ACBD6: variants seen among roughly 807,000 people sequenced by gnomAD.
ACBD6 encodes the protein acyl-CoA-binding domain-containing protein 6.
A neutral mutation model predicts 37.2 loss-of-function variants in ACBD6; 28 were observed. The ratio of observed to expected loss-of-function variants is 0.75; its 90% confidence interval spans 0.56 to 1.03. The LOEUF (loss-of-function observed/expected upper bound fraction) is 1.03, where lower values mean the gene tolerates loss of function less well. Among genes scored for constraint, ACBD6 ranks in the 50% least tolerant of loss-of-function variants. The pLI is 0.00. For synonymous variants in ACBD6, 113 were observed against 126.8 expected (o/e 0.89, Z 0.73); for missense variants, 340 against 337.4 (o/e 1.01, Z -0.06).
At chr1:180,415,170 G>A (rs1340215670) in intron 4 of ACBD6, among the ~76,000 whole-genome samples, 6 of 152,086 alleles carry the variant, frequency 3.9e-5, no homozygotes, top group East Asian at 3.9e-4. Flanking sequence ...AGGCCAAGGC[G>A]GGTGGATCAT....
At chr1:180,417,608 T>C (rs1648152514) in intron 4 of ACBD6, among the ~76,000 whole-genome samples, 1 of 152,210 alleles carries the variant, frequency 6.6e-6, no homozygotes, top group Non-Finnish European at 1.5e-5. Context: ...ACATAGTCCC[T>C]TTGGTAAGCA....
chr1:180,310,278 C>G (rs1037433873), intron 7 of ACBD6, among the ~76,000 whole-genome samples: 1 of 151,928 alleles, frequency 6.6e-6, no homozygotes, highest in African/African-American at 2.4e-5. Context: ...AAGGATTGCT[C>G]AAGCACAGGA....
chr1:180,495,317 T>A (rs560909766), intron 2 of ACBD6, 144 bp downstream of exon 2: 23 of 568,788 alleles, frequency 4.0e-5, no homozygotes, highest in Non-Finnish European at 6.0e-5. Context: ...CTTTAATCTC[T>A]CCCAATTGCC....
chr1:180,451,942 C>T (rs1452480245), intron 3 of ACBD6, among the ~76,000 whole-genome samples: 1 of 152,040 alleles, frequency 6.6e-6, no homozygotes, highest in Non-Finnish European at 1.5e-5. Context: ...TTTAAAAAAA[C>T]TAGGAAAGAC....
chr1:180,330,808 T>C (rs1246080894), intron 6 of ACBD6, among the ~76,000 whole-genome samples: 1 of 152,186 alleles, frequency 6.6e-6, no homozygotes, highest in Non-Finnish European at 1.5e-5. Flanking sequence ...GTAAAATAGG[T>C]ACAGTGTAAA....
chr1:180,295,846 A>C (rs888282112), intron 7 of ACBD6, among the ~76,000 whole-genome samples: 1 of 152,106 alleles, frequency 6.6e-6, no homozygotes, highest in Non-Finnish European at 1.5e-5. Context: ...TCCCTGAGAC[A>C]CAATAATATT....
At chr1:180,450,517 G>C (rs1649659767) in intron 3 of ACBD6, among the ~76,000 whole-genome samples, 1 of 152,212 alleles carries the variant, frequency 6.6e-6, no homozygotes. Flanking sequence ...CCAGCACTTT[G>C]GGAGGCCCAG....
At chr1:180,271,407 C>T in exon 14 of ACBD6, 1 of 1,614,106 alleles carries the variant, frequency 6.2e-7, no homozygotes, top group Admixed American at 1.7e-5. Context: ...GCTAAGCGGC[C>T]CCGGACCACC....
chr1:180,368,150 CT>C (rs935205676), intron 6 of ACBD6, among the ~76,000 whole-genome samples: 9 of 152,022 alleles, frequency 5.9e-5, no homozygotes, highest in Middle Eastern at 3.4e-3. Context: ...TGATATTGAC[CT>C]TTTTTTTCAT....
At position 180,314,142 on chromosome 1, in the gene ACBD6, T is replaced by A. The variant is rs555179563; in HGVS notation, c.694+550A>T. Among the ~76,000 whole-genome samples, 12 of 152,318 alleles carry A rather than the reference T, an allele frequency of 7.9e-5. No homozygotes were observed. The South Asian group carries it at 2.5e-3, about 32-fold the overall frequency. ...ATAGAACTAAGAATGAAATAATGAA[T>A]TTTCAAAGGGGGCTAGCACGGTCTC... On this transcript the variant is annotated intron_variant, in intron 7 of 7. Coordinates refer to ENST00000367595, the MANE Select transcript of ACBD6 (RefSeq NM_032360.4).
At chr1:180,498,629 G>A (rs1287962562) in intron 1 of ACBD6, among the ~76,000 whole-genome samples, 1 of 152,048 alleles carries the variant, frequency 6.6e-6, no homozygotes, top group Non-Finnish European at 1.5e-5. Flanking sequence ...CAAGGCAGGT[G>A]GATCACCTGA....
At position 180,390,367 on chromosome 1, in the gene ACBD6, TGTTTTGG is replaced by T; in HGVS notation, c.663+7142_663+7148del. 2.0e-5 allele frequency among the ~76,000 whole-genome samples: 3 copies of T among 148,216 alleles called. No homozygotes were observed. The South Asian group carries it at 6.4e-4, about 32-fold the overall frequency. On this transcript the variant is annotated intron_variant, in intron 6 of 7. Coordinates refer to ENST00000367595, the MANE Select transcript of ACBD6 (RefSeq NM_032360.4). ...GTTCTGTTCCATTGATCTATATCTC[TGTTTTGG>T]TACCAGTGCCATGCTGTTTTGGTTA... is the stretch of plus-strand genomic sequence containing the variant.
At chr1:180,495,691 T>G (rs149833556) in intron 1 of ACBD6, among the ~76,000 whole-genome samples, 166 bp from the exon 2 acceptor site, 1 of 152,174 alleles carries the variant, frequency 6.6e-6, no homozygotes, top group African/African-American at 2.4e-5. Flanking sequence ...ACAAAAACAA[T>G]CAAACAGAAT....
chr1:180,421,898 TG>T (rs568743135), intron 4 of ACBD6, among the ~76,000 whole-genome samples: 33 of 152,330 alleles, frequency 2.2e-4, no homozygotes, highest in African/African-American at 7.9e-4. Context: ...TGCCTCTTGG[TG>T]AGAAGAAGTT....
At chr1:180,271,557 C>T (rs762260848) in exon 14 of ACBD6, 3 of 1,613,552 alleles carry the variant, frequency 1.9e-6, no homozygotes, top group Non-Finnish European at 2.5e-6. Context: ...CACTCCTGTG[C>T]CCTCCGGGGA....
chr1:180,321,814 TAAAC>T (rs1651083670), intron 6 of ACBD6, among the ~76,000 whole-genome samples: 1 of 152,156 alleles, frequency 6.6e-6, no homozygotes, highest in Admixed American at 6.5e-5. Context: ...TATGATAAAT[TAAAC>T]AAAGATAATT....
Position 180,490,601 on chromosome 1 carries a change from C to T in ACBD6, c.384+1668G>A, listed in dbSNP as rs530837765. On this transcript the variant is annotated intron_variant, in intron 3 of 7. Coordinates refer to ENST00000367595, the MANE Select transcript of ACBD6 (RefSeq NM_032360.4). ...CCAACTTGGCTAACACGGTGAAACCCCGTCTCTACTAAAGATAAAAATAAA... is the reference window on the plus strand; with the variant it reads ...CCAACTTGGCTAACACGGTGAAACCTCGTCTCTACTAAAGATAAAAATAAA... Among the ~76,000 whole-genome samples the T allele has an allele frequency of 2.0e-5, 3 of 151,804 alleles. No homozygotes were observed. The East Asian group carries it at 5.8e-4, about 29-fold the overall frequency.
At chr1:180,341,448 A>T (rs1651984336) in intron 6 of ACBD6, among the ~76,000 whole-genome samples, 1 of 152,158 alleles carries the variant, frequency 6.6e-6, no homozygotes, top group South Asian at 2.1e-4. Flanking sequence ...AACAGGGATT[A>T]TCTTGAGGAT....
At chr1:180,439,788 T>G (rs1291704966) in intron 3 of ACBD6, among the ~76,000 whole-genome samples, 1 of 152,242 alleles carries the variant, frequency 6.6e-6, no homozygotes, top group Non-Finnish European at 1.5e-5. Context: ...CAATCTCTGA[T>G]GGATCTAGAA....
Sources: gnomAD v4.1 joint callset for allele counts (sites outside exome capture counted in the v4.1 genomes callset) on GRCh38, gnomAD v4.1.1 for gene constraint, MANE v1.5 for transcripts, NCBI Gene and HGNC (gene_info 2026-07-23, HGNC 2026-07-21) for gene names.